Variants in ZNF536 observed in about 807,000 individuals in gnomAD.
ZNF536 encodes the protein zinc finger protein 536.
In ZNF536, 13 loss-of-function variants were observed where a neutral mutation model predicts 84.5. The ratio of observed to expected loss-of-function variants is 0.15; its 90% CI spans 0.10 to 0.24. The LOEUF (loss-of-function observed/expected upper bound fraction) is 0.24, where lower values mean the gene tolerates loss of function less well. ZNF536 is among the 10% of genes least tolerant of loss of function. The pLI, the probability that ZNF536 is intolerant of heterozygous loss-of-function variation, is 1.00. For missense variants in ZNF536, 1,536 were observed against 1,747.5 expected (o/e 0.88, Z 2.16); for synonymous variants, 811 against 742.5 (o/e 1.09, Z -1.50).
chr19:30,682,433 G>A (rs549257833), intron 1 of ZNF536, among the ~76,000 whole-genome samples: 1 of 152,212 alleles, frequency 6.6e-6, no homozygotes, highest in African/African-American at 2.4e-5. Flanking sequence ...TCACACACAC[G>A]CACACAAATG....
chr19:30,279,612 G>C (rs375242636), intron 1 of ZNF536, among the ~76,000 whole-genome samples: 6 of 152,198 alleles, frequency 3.9e-5, no homozygotes, highest in Admixed American at 3.9e-4. Flanking sequence ...CTCTGGGCTG[G>C]GAGGAGGTCT....
At chr19:30,520,568 C>T (rs182744522) in intron 2 of ZNF536, among the ~76,000 whole-genome samples, 85 of 152,062 alleles carry the variant, frequency 5.6e-4, no homozygotes, top group African/African-American at 1.9e-3. Context: ...CTGGGTTAGA[C>T]AATGTGGGAG....
intron 3 of ZNF536, among the ~76,000 whole-genome samples, chr19:30,357,852 C>T (rs978332421): frequency 1.3e-5 from 2 of 152,124 alleles, no homozygotes; most frequent in African/African-American, 2.4e-5. Context: ...CCCACAGAGT[C>T]CAGCTGTGCT....
In ZNF536 at chr19:30,656,108, G is replaced by C. The variant is rs2049902423; in HGVS notation, c.170-54649G>C. 2.0e-5 allele frequency among the ~76,000 whole-genome samples: 3 copies of C among 152,080 alleles called. No homozygotes were observed. In the South Asian group the frequency reaches 6.2e-4, roughly 31 times the overall value. Reference sequence around the variant, plus strand: ...GTATTTGAGAGGGCTCAAAAATGAGGCAAGTTTTTGCTTCTGCAGCAAGAT... The same window carrying C: ...GTATTTGAGAGGGCTCAAAAATGAGCCAAGTTTTTGCTTCTGCAGCAAGAT... On this transcript the variant is annotated intron_variant, in intron 1 of 1. Transcript: ENST00000592773.
chr19:30,482,896 G>A (rs1045533669), intron 2 of ZNF536, among the ~76,000 whole-genome samples: 2 of 152,130 alleles, frequency 1.3e-5, no homozygotes, highest in African/African-American at 4.8e-5. Flanking sequence ...TCTAGTATCA[G>A]CATCTCCATA....
chr19:30,377,206 G>A (rs1382036851), intron 1 of ZNF536, among the ~76,000 whole-genome samples: 11 of 152,178 alleles, frequency 7.2e-5, no homozygotes. Flanking sequence ...TCAGGTTCTC[G>A]GGAAAGCTGG....
At chr19:30,431,146 C>T (rs1200716996) in intron 1 of ZNF536, among the ~76,000 whole-genome samples, 3 of 152,188 alleles carry the variant, frequency 2.0e-5, no homozygotes, top group Non-Finnish European at 4.4e-5. Flanking sequence ...AGACAGCAGC[C>T]CCCAGCAGCC....
upstream of ZNF536, among the ~76,000 whole-genome samples, chr19:30,371,572 GT>G (rs199837862): frequency 2.2e-3 from 254 of 115,982 alleles, 2 homozygotes; most frequent in African/African-American, 7.7e-3. Flanking sequence ...TTTTTTTTTT[GT>G]TTTTTTTTTC....
intron 1 of ZNF536, among the ~76,000 whole-genome samples, chr19:30,413,605 T>G (rs2050586769): frequency 6.6e-6 from 1 of 152,206 alleles, no homozygotes; most frequent in African/African-American, 2.4e-5. Flanking sequence ...TTTTAAACAT[T>G]TATTTTTAAA....
At chr19:30,277,307 G>A (rs1344000886) in intron 1 of ZNF536, among the ~76,000 whole-genome samples, 1 of 152,104 alleles carries the variant, frequency 6.6e-6, no homozygotes, top group African/African-American at 2.4e-5. Flanking sequence ...TCATGCTAAA[G>A]CATGTAAAAA....
intron 4 of ZNF536, 59 bp downstream of exon 4, chr19:30,549,573 G>A (rs971497853): frequency 7.0e-7 from 1 of 1,420,052 alleles, no homozygotes. Flanking sequence ...GCTGAATTGT[G>A]CATTTAAAAA....
chr19:30,540,151 G>A (rs967289885), intron 3 of ZNF536, among the ~76,000 whole-genome samples: 4 of 152,156 alleles, frequency 2.6e-5, no homozygotes, highest in Non-Finnish European at 5.9e-5. Context: ...GTGGTCACGA[G>A]GGGTTCAGCA....
intron 1 of ZNF536, among the ~76,000 whole-genome samples, chr19:30,229,168 A>G (rs1347902605): frequency 1.3e-5 from 2 of 152,142 alleles, no homozygotes; most frequent in Admixed American, 6.5e-5. Flanking sequence ...AAACAGAAAG[A>G]AAAGCAACCA....
chr19:30,594,598 G>C (rs911309864), intron 1 of ZNF536, among the ~76,000 whole-genome samples: 2 of 152,116 alleles, frequency 1.3e-5, no homozygotes, highest in African/African-American at 4.8e-5. Context: ...CAGATCATTA[G>C]GCGCTCGTCT....
chr19:30,385,974 T>C (rs2049325606), intron 1 of ZNF536, among the ~76,000 whole-genome samples: 1 of 152,184 alleles, frequency 6.6e-6, no homozygotes. Flanking sequence ...AGGGATCATG[T>C]GGCAATGTCC....
chr19:30,619,831 G>T lies in ZNF536; in HGVS notation c.169+70317G>T, dbSNP rs115696821. On this transcript the variant is annotated intron_variant, in intron 1 of 1. Coordinates refer to the ZNF536 transcript ENST00000592773. ...TAGATCAGTGCTTTGCCCATAGAAGGTGTTCAGTAAATATTTTTTGAATGA... is the reference window on the plus strand; with the variant it reads ...TAGATCAGTGCTTTGCCCATAGAAGTTGTTCAGTAAATATTTTTTGAATGA... Among the ~76,000 whole-genome samples the T allele has an allele frequency of 4.0e-3, 611 of 152,316 alleles. 4 individuals carry two copies. Among genetic ancestry groups the T allele is most frequent in the African/African-American group, 0.014 (578 of 41,576 alleles).
intron 1 of ZNF536, among the ~76,000 whole-genome samples, chr19:30,660,359 T>C (rs1041089918): frequency 6.6e-6 from 1 of 152,180 alleles, no homozygotes; most frequent in Non-Finnish European, 1.5e-5. Context: ...AGAAGCCATC[T>C]CTGATGTTGG....
At chr19:30,280,373 T>C (rs1180751039) in intron 1 of ZNF536, among the ~76,000 whole-genome samples, 1 of 152,128 alleles carries the variant, frequency 6.6e-6, no homozygotes, top group East Asian at 1.9e-4. Context: ...CCGTCTGTTC[T>C]CCTTCCATCC....
At chr19:30,586,331 CA>C (rs1226144401) in intron 1 of ZNF536, among the ~76,000 whole-genome samples, 1 of 152,236 alleles carries the variant, frequency 6.6e-6, no homozygotes, top group African/African-American at 2.4e-5. Flanking sequence ...TGGGTCCCAG[CA>C]TGCGCTGGTT....
Sources: allele counts gnomAD v4.1 joint callset (sites outside exome capture counted in the v4.1 genomes callset), GRCh38; gene constraint gnomAD v4.1.1; transcripts MANE v1.5; gene names NCBI Gene and HGNC (gene_info 2026-07-23, HGNC 2026-07-21).